BAHCC1: variants seen among roughly 807,000 people sequenced by gnomAD.
BAHCC1 encodes the protein BAH and coiled-coil domain-containing protein 1.
A neutral mutation model predicts 88.2 loss-of-function variants in BAHCC1; 43 were observed. The ratio of observed to expected loss-of-function variants is 0.49; its 90% confidence interval spans 0.38 to 0.63. BAHCC1 has a LOEUF of 0.63. Ranked by LOEUF, BAHCC1 falls within the 20% of genes least tolerant of loss-of-function variation. BAHCC1 has a pLI of 0.00. For synonymous variants in BAHCC1, 1,510 were observed against 745.5 expected (o/e 2.03, Z -16.71); for missense variants, 3,023 against 1,654.8 (o/e 1.83, Z -14.34).
rs782065889 is a variant in BAHCC1, at chr17:81,460,910, G to A, written c.6247G>A (p.Ala2083Thr). 33 of 767,940 alleles carry A rather than the reference G, an allele frequency of 4.3e-5. No homozygotes were observed. In the African/African-American group the frequency reaches 4.4e-4, roughly 10 times the overall value. The allele number at this position is 767,940 out of a possible 1,614,324, so 47.6% of individuals were successfully genotyped here. A position where few individuals can be genotyped will look rare whatever the true frequency, so the allele number is the denominator to read the frequency against. ...CTCAGGTGCCAAATCCCCCACGGGG[G>A]CCTCCGACCACTTCCTGGGCCGCCG... ...LTSGAKSPTG[A>T]SDHFLGRRGS... Residue 2083 changes from alanine (A) to threonine (T), a missense_variant, in exon 26 of 28, where the codon GCC becomes ACC. Coordinates refer to ENST00000675386, the MANE Select transcript of BAHCC1 (RefSeq NM_001377448.1).
intron 10 of BAHCC1, 77 bp from the exon 11 acceptor site, chr17:81,446,959 A>G (rs1555654552): frequency 1.6e-5 from 12 of 757,220 alleles, no homozygotes; most frequent in East Asian, 7.3e-5. Flanking sequence ...GTTCGAGGCC[A>G]CTGTCCTCCG....
At chr17:81,397,410 A>AAAAC (rs2063757166) in intron 1 of BAHCC1, among the ~76,000 whole-genome samples, 1 of 147,546 alleles carries the variant, frequency 6.8e-6, no homozygotes, top group Admixed American at 6.7e-5. Context: ...AAAAAAAAAA[A>AAAAC]AACAACCACA....
chr17:81,429,500 C>T (rs1426844180), intron 3 of BAHCC1, among the ~76,000 whole-genome samples: 1 of 152,220 alleles, frequency 6.6e-6, no homozygotes, highest in Non-Finnish European at 1.5e-5. Flanking sequence ...GAGAGGCTGG[C>T]TGGCTGCCCG....
At chr17:81,426,091 T>G (rs1455880065) in intron 2 of BAHCC1, among the ~76,000 whole-genome samples, 10 of 102,874 alleles carry the variant, frequency 9.7e-5, no homozygotes, top group Admixed American at 2.1e-4. Context: ...ATGTGGTTGG[T>G]GGTGATAGTG....
At position 81,453,412 on chromosome 17, in the gene BAHCC1, C is replaced by T. The variant is rs551632256; in HGVS notation, c.4445+561C>T. ...AACACGATTGGCGCGTGCGTGTGCGCACTGCATCAATCCTGATGATTTGGT... is the reference window on the plus strand; with the variant it reads ...AACACGATTGGCGCGTGCGTGTGCGTACTGCATCAATCCTGATGATTTGGT... On this transcript the variant is annotated intron_variant, in intron 14 of 27. Transcript: ENST00000675386. Among the ~76,000 whole-genome samples, 5 of 152,368 alleles carry T rather than the reference C, an allele frequency of 3.3e-5. No individual in the cohort carries two copies. The South Asian group carries it at 1.0e-3, about 32-fold the overall frequency.
At position 81,465,283 on chromosome 17, in the gene BAHCC1, A is replaced by G. The variant is rs1555660490; in HGVS notation, c.*1466A>G. 1.3e-5 allele frequency: 2 copies of G among 152,194 alleles called. No individual in the cohort carries two copies. 9.4% of individuals were successfully genotyped at this position (152,194 alleles called of 1,614,324 possible). A position where few individuals can be genotyped will look rare whatever the true frequency, so the allele number is the denominator to read the frequency against. Reference sequence around the variant, plus strand: ...CCTTTTCTGTGCCACTTGGTGGGGCAGATGGCCTGATGGGCTAGTGCTTGG... The same window carrying G: ...CCTTTTCTGTGCCACTTGGTGGGGCGGATGGCCTGATGGGCTAGTGCTTGG... On this transcript the variant is annotated 3_prime_UTR_variant, in exon 28 of 28. Transcript: ENST00000675386.
rs1170261342 is a variant in BAHCC1 at position 81,434,223 on chromosome 17, C to T, written c.359-4147C>T. ...AGTGCCCACAGCCTCCCACGTTCCC[C>T]AGGGCCTCCCAGGCTGGCTGCCCAC... On this transcript the variant is annotated intron_variant, in intron 3 of 27. Coordinates refer to ENST00000675386, the MANE Select transcript of BAHCC1 (RefSeq NM_001377448.1). This position sits in a 1 kb window ranked among gnomAD's most constrained non-coding sequence, Gnocchi z 4.9. Among the ~76,000 whole-genome samples, 4 of 152,210 alleles carry T rather than the reference C, an allele frequency of 2.6e-5. No homozygotes were observed. Among genetic ancestry groups the T allele is most frequent in the Non-Finnish European group, 5.9e-5 (4 of 68,024 alleles).
rs1555659164 is a variant in BAHCC1 at position 81,461,142 on chromosome 17, G to A, written c.6479G>A (p.Ser2160Asn). 1.3e-6 allele frequency: 1 copy of A among 762,060 alleles called. No homozygotes were observed. Among genetic ancestry groups the A allele is most frequent in the South Asian group, 1.4e-5 (1 of 73,584 alleles). The allele number at this position is 762,060 out of a possible 1,614,324, so 47.2% of individuals were successfully genotyped here. ...GGCTTCCGCGCCGACTCCTTCAGCA[G>A]CCTGGCCAGCTCCTACGCGCCCTTC... is the stretch of plus-strand genomic sequence containing the variant. ...GNGFRADSFSSLASSYAPFVG... is the reference protein window; with the variant it reads ...GNGFRADSFSNLASSYAPFVG... The change falls in exon 26 of 28, where the codon AGC (serine) becomes AAC (asparagine). Residue 2160 changes from serine to asparagine, a missense_variant. Coordinates refer to ENST00000675386, the MANE Select transcript of BAHCC1 (RefSeq NM_001377448.1).
At chr17:81,398,193 G>A (rs1020334938) in intron 1 of BAHCC1, among the ~76,000 whole-genome samples, 5 of 152,172 alleles carry the variant, frequency 3.3e-5, no homozygotes, top group Non-Finnish European at 7.3e-5. Context: ...AGAAGATGAG[G>A]AGTAATATGT....
Position 81,458,638 on chromosome 17 carries a change from G to A in BAHCC1, c.5361G>A (p.Leu1787=), listed in dbSNP as rs1555658186. 1.4e-6 allele frequency: 1 copy of A among 717,636 alleles called. No homozygotes were observed. Among genetic ancestry groups the A allele is most frequent in the East Asian group, 2.7e-5 (1 of 37,366 alleles). The allele number at this position is 717,636 out of a possible 1,614,324, so 44.5% of individuals were successfully genotyped here. ...ACGCGCAGCGGAAGAACGGGGCCCT[G>A]TCCATCACGCTGGCCACACGCAACG... ...QPVLRRKNGA[L]SITLATRNAK... is the part of the protein sequence containing the mutation. Residue 1787 remains leucine (L), a synonymous_variant, in exon 19 of 28, where the codon CTG becomes CTA. Transcript: ENST00000675386.
rs77984483 is a variant in BAHCC1 at position 81,435,577 on chromosome 17, C to T, written c.359-2793C>T. 0.13 allele frequency: 58,785 copies of T among 449,588 alleles called. 4,538 individuals carry two copies. The highest frequency in any genetic ancestry group is 0.17 in the Non-Finnish European group (35,909 of 215,722). The allele number at this position is 449,588 out of a possible 1,614,324, so 27.8% of individuals were successfully genotyped here. On this transcript the variant is annotated intron_variant, in intron 3 of 27. Coordinates refer to ENST00000675386, the MANE Select transcript of BAHCC1 (RefSeq NM_001377448.1). This position sits in a 1 kb window ranked among gnomAD's most constrained non-coding sequence, Gnocchi z 4.4. ...CTGGGAAGGGGAGGTTCTGGAGCCC[C>T]GACGTTCTAGCAGGAGCTTGCAGTT...
rs1555654132 is a variant in BAHCC1, at chr17:81,445,566, C to T, written c.3048C>T (p.Cys1016=). The T allele has an allele frequency of 1.4e-6, 1 of 723,954 alleles. No individual in the cohort carries two copies. The highest frequency in any genetic ancestry group is 2.6e-6 in the Non-Finnish European group (1 of 389,706). The allele number at this position is 723,954 out of a possible 1,614,324, so 44.8% of individuals were successfully genotyped here. A position where few individuals can be genotyped will look rare whatever the true frequency, so the allele number is the denominator to read the frequency against. The change falls in exon 10 of 28, where the codon TGC becomes TGT. Residue 1016 remains cysteine (C), a synonymous_variant. Transcript: ENST00000675386. ...PTPPPRPSAP[C]TLNVCPASSP... is the part of the protein sequence containing the mutation. Reference sequence around the variant, plus strand: ...CACCACCTCGGCCCAGCGCCCCGTGCACTTTAAATGTCTGCCCTGCCAGCA... The same window carrying T: ...CACCACCTCGGCCCAGCGCCCCGTGTACTTTAAATGTCTGCCCTGCCAGCA...
In BAHCC1 at chr17:81,452,754, C is replaced by T. The variant is rs2064666479; in HGVS notation, c.4348C>T (p.Arg1450Trp). The T allele has an allele frequency of 4.0e-6, 3 of 749,838 alleles. No homozygotes were observed. Among genetic ancestry groups the T allele is most frequent in the African/African-American group, 1.8e-5 (1 of 56,702 alleles). 46.4% of individuals were successfully genotyped at this position (749,838 alleles called of 1,614,324 possible). A position where few individuals can be genotyped will look rare whatever the true frequency, so the allele number is the denominator to read the frequency against. The change falls in exon 14 of 28, where the codon CGG (arginine) becomes TGG (tryptophan). Residue 1450 changes from arginine to tryptophan, a missense_variant. Physicochemically the swap from Arg to Trp is moderately radical, Grantham distance 101. Transcript: ENST00000675386. ...CGAGAGTTCACGGAGCCCTGCACGG[C>T]GGGGGCCTGGCCGGCCGAGGAAGCG... The part of the protein sequence containing the change: ...RDESSRSPAR[R>W]GPGRPRKRKH...
chr17:81,456,784 G>A (rs1268828914), intron 16 of BAHCC1, among the ~76,000 whole-genome samples, 199 bp downstream of exon 16: 1 of 152,116 alleles, frequency 6.6e-6, no homozygotes, highest in African/African-American at 2.4e-5. Flanking sequence ...CCCATCCCCA[G>A]GCAGAGCTCA....
intron 2 of BAHCC1, among the ~76,000 whole-genome samples, chr17:81,424,959 G>GGT (rs2064158701): frequency 6.7e-6 from 1 of 149,002 alleles, no homozygotes; most frequent in Non-Finnish European, 1.5e-5. Flanking sequence ...TGATGTGGTT[G>GGT]GCATGATGTG....
intron 2 of BAHCC1, among the ~76,000 whole-genome samples, chr17:81,406,125 G>A (rs184913436): frequency 2.0e-5 from 3 of 152,336 alleles, no homozygotes; most frequent in African/African-American, 4.8e-5. Flanking sequence ...CTGAATGAGA[G>A]GTTTCCAAAA....
chr17:81,397,196 C>T lies in BAHCC1; in HGVS notation c.-207+1561C>T, dbSNP rs1598441982. 4 of 152,148 alleles carry T rather than the reference C, an allele frequency of 2.6e-5. No individual in the cohort carries two copies. In the South Asian group the frequency reaches 6.2e-4, roughly 24 times the overall value. 9.4% of individuals were successfully genotyped at this position (152,148 alleles called of 1,614,324 possible). A position where few individuals can be genotyped will look rare whatever the true frequency, so the allele number is the denominator to read the frequency against. Reference sequence around the variant, plus strand: ...AAGCTCTCTCCAATCCGGTCAGAGCCGTGGCGGCGCAGGCAGGCGACAGTA... The same window carrying T: ...AAGCTCTCTCCAATCCGGTCAGAGCTGTGGCGGCGCAGGCAGGCGACAGTA... On this transcript the variant is annotated intron_variant, in intron 1 of 27. Transcript: ENST00000675386.
At position 81,458,150 on chromosome 17, in the gene BAHCC1, C is replaced by T. The variant is rs1284089661; in HGVS notation, c.5042-15C>T. The T allele has an allele frequency of 4.2e-6, 3 of 716,374 alleles. No individual in the cohort carries two copies. The highest frequency in any genetic ancestry group is 3.5e-5 in the African/African-American group (2 of 57,214). 44.4% of individuals were successfully genotyped at this position (716,374 alleles called of 1,614,324 possible). On this transcript the variant is annotated splice_polypyrimidine_tract_variant and intron_variant, in intron 17 of 27. Transcript: ENST00000675386. The stretch of plus-strand genomic sequence containing the variant: ...GGATGGGGACCCCTGTGACGGCCTC[C>T]TCTCCTTCCCACAGGGGCCTGCCGC...
chr17:81,400,256 C>T (rs1352163170), intron 2 of BAHCC1, among the ~76,000 whole-genome samples: 1 of 152,218 alleles, frequency 6.6e-6, no homozygotes, highest in Non-Finnish European at 1.5e-5. Context: ...ATTCTGCATT[C>T]ACCTCCCTAA....
Sources: allele counts gnomAD v4.1 joint callset (sites outside exome capture counted in the v4.1 genomes callset), GRCh38; gene constraint gnomAD v4.1.1; non-coding constraint Gnocchi (gnomAD v3.1); transcripts MANE v1.5; gene names NCBI Gene and HGNC (gene_info 2026-07-23, HGNC 2026-07-21).